The following ID4 variants were observed in gnomAD, a reference collection of about 807,000 sequenced individuals.
ID4 encodes the protein inhibitor of DNA binding 4.
A neutral mutation model predicts 8.6 loss-of-function variants in ID4; 9 were observed. The ratio of observed to expected loss-of-function variants is 1.04; its 90% CI spans 0.63 to 1.82. The LOEUF (loss-of-function observed/expected upper bound fraction) is 1.82, where lower values mean the gene tolerates loss of function less well. ID4 is among the 40% of genes most tolerant of loss of function. The pLI, the probability that ID4 is intolerant of heterozygous loss-of-function variation, is 0.00. For synonymous variants in ID4, 180 were observed against 118.0 expected, an observed-to-expected ratio of 1.53 and a Z score of -3.41; for missense variants, 270 against 235.1, an observed-to-expected ratio of 1.15 and a Z score of -0.97.
rs1761245932 is a variant in ID4 at position 19,837,650 on chromosome 6, G to A, written c.-105G>A. On this transcript the variant is annotated 5_prime_UTR_variant, in exon 1 of 3. Coordinates refer to ENST00000378700, the MANE Select transcript of ID4 (RefSeq NM_001546.4). ...TCGCGGTGCCCCGAGCGCGCCGGGC[G>A]CGGAGGCAAAGGGAGCGGAGCCGGC... is the stretch of plus-strand genomic sequence containing the variant. The A allele has an allele frequency of 1.3e-6, 1 of 777,568 alleles. No individual in the cohort carries two copies. The highest frequency in any genetic ancestry group is 1.6e-6 in the Non-Finnish European group (1 of 624,350). The allele number at this position is 777,568 out of a possible 1,614,324, so 48.2% of individuals were successfully genotyped here. A position where few individuals can be genotyped will look rare whatever the true frequency, so the allele number is the denominator to read the frequency against.
In ID4 at chr6:19,838,587, G is replaced by A. The variant is rs1554139558; in HGVS notation, c.445G>A (p.Gly149Ser). The change falls in exon 2 of 3, where the codon GGC (glycine) becomes AGC (serine). Residue 149 changes from glycine to serine, a missense_variant. This residue lies in a region of ID4 where 107 missense variants were observed against 81.0 expected (regional missense o/e 1.32). Coordinates refer to ENST00000378700, the MANE Select transcript of ID4 (RefSeq NM_001546.4). ...PLTALNTDPA[G>S]AVNKQGDSIL... ...TGGTGTTCGGTTGCTGTTCCAGGCC[G>A]GCGCGGTGAACAAGCAGGGCGACAG... 2.5e-6 allele frequency: 4 copies of A among 1,613,872 alleles called. No homozygotes were observed. Among genetic ancestry groups the A allele is most frequent in the African/African-American group, 2.7e-5 (2 of 74,928 alleles).
At position 19,840,104 on chromosome 6, in the gene ID4, G is replaced by T. The variant is rs913323504; in HGVS notation, c.*909G>T. On this transcript the variant is annotated 3_prime_UTR_variant, in exon 3 of 3. Transcript: ENST00000378700. ...AAATCTTTGTATTTGAAGCATACATGTTGAAAATACACCTTATCAGTTTTT... is the reference window on the plus strand; with the variant it reads ...AAATCTTTGTATTTGAAGCATACATTTTGAAAATACACCTTATCAGTTTTT... 1 of 152,490 alleles carries T rather than the reference G, an allele frequency of 6.6e-6. No individual in the cohort carries two copies. The highest frequency in any genetic ancestry group is 1.9e-4 in the East Asian group (1 of 5,186). 9.4% of individuals were successfully genotyped at this position (152,490 alleles called of 1,614,324 possible). A position where few individuals can be genotyped will look rare whatever the true frequency, so the allele number is the denominator to read the frequency against.
At position 19,839,315 on chromosome 6, in the gene ID4, CTAGA is replaced by C. The variant is rs1002761479; in HGVS notation, c.*121_*124del. On this transcript the variant is annotated 3_prime_UTR_variant, in exon 3 of 3. Transcript: ENST00000378700. ...AGGAAAGGAAAAAACATCGGCCAAC[CTAGA>C]AACGTTTTCATTCGTCATTCCAAGA... 1 of 152,676 alleles carries C rather than the reference CTAGA, an allele frequency of 6.5e-6. No homozygotes were observed. The highest frequency in any genetic ancestry group is 1.5e-5 in the Non-Finnish European group (1 of 68,116). 9.5% of individuals were successfully genotyped at this position (152,676 alleles called of 1,614,324 possible).
chr6:19,840,027 A>G lies in ID4; in HGVS notation c.*832A>G, dbSNP rs1192436465. ...ATGATTGCATGAGATGTTTAATCAC[A>G]AATTAAACTTGTTCTGAGTCCATTC... On this transcript the variant is annotated 3_prime_UTR_variant, in exon 3 of 3. Coordinates refer to ENST00000378700, the MANE Select transcript of ID4 (RefSeq NM_001546.4). The G allele has an allele frequency of 6.6e-6, 1 of 152,614 alleles. No individual in the cohort carries two copies. Among genetic ancestry groups the G allele is most frequent in the Non-Finnish European group, 1.5e-5 (1 of 68,030 alleles). 9.5% of individuals were successfully genotyped at this position (152,614 alleles called of 1,614,324 possible).
rs1191833976 is a variant in ID4, at chr6:19,841,266, T to C, written c.*2071T>C. Among the ~76,000 whole-genome samples, 1 of 152,252 alleles carries C rather than the reference T, an allele frequency of 6.6e-6. No homozygotes were observed. The highest frequency in any genetic ancestry group is 1.5e-5 in the Non-Finnish European group (1 of 68,036). On this transcript the variant is annotated 3_prime_UTR_variant, in exon 3 of 3. Transcript: ENST00000378700. ...AGATGAGGTTTATTTTTATTTTTGA[T>C]ATTATTCATTCTTGTCACACATCAA...
Position 19,838,191 on chromosome 6 carries a change from A to G in ID4, c.437A>G (p.Asp146Gly), listed in dbSNP as rs1761268161. The change falls in exon 1 of 3, where the codon GAC becomes GGC. Residue 146 changes from aspartate to glycine, a missense_variant. By Grantham distance (94) the Asp-to-Gly change is moderately conservative. This residue lies in a region of ID4 where 107 missense variants were observed against 81.0 expected (regional missense o/e 1.32). Coordinates refer to ENST00000378700, the MANE Select transcript of ID4 (RefSeq NM_001546.4). Reference protein sequence around the residue: ...PRTPLTALNTDPAGAVNKQGD... With the variant: ...PRTPLTALNTGPAGAVNKQGD... ...ACCCCGCTCACTGCGCTCAACACCGACCCGGTGAGAGGCCGGGCGCCGGCC... is the reference window on the plus strand; with the variant it reads ...ACCCCGCTCACTGCGCTCAACACCGGCCCGGTGAGAGGCCGGGCGCCGGCC... 7.2e-7 allele frequency: 1 copy of G among 1,388,156 alleles called. No homozygotes were observed. The highest frequency in any genetic ancestry group is 9.3e-7 in the Non-Finnish European group (1 of 1,074,934). 86.0% of individuals were successfully genotyped at this position (1,388,156 alleles called of 1,614,324 possible).
Position 19,840,689 on chromosome 6 carries a change from G to A in ID4, c.*1494G>A, listed in dbSNP as rs560452568. The A allele has an allele frequency of 6.6e-6, 1 of 152,102 alleles. No homozygotes were observed. Among genetic ancestry groups the A allele is most frequent in the South Asian group, 2.1e-4 (1 of 4,814 alleles). 9.4% of individuals were successfully genotyped at this position (152,102 alleles called of 1,614,324 possible). ...AGTAGATTTCTCTGTCTTGTACTGT[G>A]ATTTCTGGTCTCATTTCTTTAAAAC... On this transcript the variant is annotated 3_prime_UTR_variant, in exon 3 of 3. Coordinates refer to ENST00000378700, the MANE Select transcript of ID4 (RefSeq NM_001546.4).
At position 19,841,070 on chromosome 6, in the gene ID4, A is replaced by C. The variant is rs1040908276; in HGVS notation, c.*1875A>C. 6.6e-6 allele frequency among the ~76,000 whole-genome samples: 1 copy of C among 152,220 alleles called. No homozygotes were observed. The highest frequency in any genetic ancestry group is 1.5e-5 in the Non-Finnish European group (1 of 68,022). On this transcript the variant is annotated 3_prime_UTR_variant, in exon 3 of 3. Transcript: ENST00000378700. ...TCCCTAGTAGTCAGTTGAAGTGGCA[A>C]TGTCTAAACAGAAATGAACAAAACT...
chr6:19,839,180 A>C (rs1360390671), intron 2 of ID4, 30 bp from the exon 3 acceptor site: 1 of 159,262 alleles, frequency 6.3e-6, no homozygotes. Context: ...GAAGGTTCAC[A>C]CACCCCCTCT....
chr6:19,840,304 CTTCA>C lies in ID4; in HGVS notation c.*1112_*1115del, dbSNP rs1299398707. ...AAGTGAAAAAAAATTGCTTATTACT[CTTCA>C]TTTTACACTAAAGCTTAATGTCACT... On this transcript the variant is annotated 3_prime_UTR_variant, in exon 3 of 3. Transcript: ENST00000378700. 1 of 152,492 alleles carries C rather than the reference CTTCA, an allele frequency of 6.6e-6. No individual in the cohort carries two copies. Among genetic ancestry groups the C allele is most frequent in the Non-Finnish European group, 1.5e-5 (1 of 67,998 alleles). 9.4% of individuals were successfully genotyped at this position (152,492 alleles called of 1,614,324 possible).
rs1486854340 is a variant in ID4 at position 19,839,804 on chromosome 6, A to G, written c.*609A>G. 1 of 152,186 alleles carries G rather than the reference A, an allele frequency of 6.6e-6. No homozygotes were observed. Among genetic ancestry groups the G allele is most frequent in the East Asian group, 1.9e-4 (1 of 5,198 alleles). 9.4% of individuals were successfully genotyped at this position (152,186 alleles called of 1,614,324 possible). ...GATACTGTAATTATAAGATATTTTT[A>G]ATTAAATATTTTTTTGTAAATATTA... On this transcript the variant is annotated 3_prime_UTR_variant, in exon 3 of 3. Coordinates refer to ENST00000378700, the MANE Select transcript of ID4 (RefSeq NM_001546.4).
At chr6:19,838,339 C>A in intron 1 of ID4, 144 bp downstream of exon 1, 1 of 1,021,292 alleles carries the variant, frequency 9.8e-7, no homozygotes, top group Non-Finnish European at 1.3e-6. Context: ...TCCGGGCTCC[C>A]CCGGGCCGCC....
In ID4 at chr6:19,839,558, G is replaced by A. The variant is rs551220382; in HGVS notation, c.*363G>A. 3.3e-5 allele frequency: 5 copies of A among 152,648 alleles called. No individual in the cohort carries two copies. The East Asian group carries it at 9.6e-4, about 29-fold the overall frequency. The allele number at this position is 152,648 out of a possible 1,614,324, so 9.5% of individuals were successfully genotyped here. ...ATCCGACTTTAGAAGCCTACTTTGT[G>A]ACCAAGGAGCTCAATTTTTGTTTTG... On this transcript the variant is annotated 3_prime_UTR_variant, in exon 3 of 3. Transcript: ENST00000378700.
At position 19,841,723 on chromosome 6, in the gene ID4, T is replaced by C. The variant is rs719346; in HGVS notation, c.*2528T>C. ...TCATTGTTTATTTTTTAAAAAATTA[T>C]ATGCAGTTGTACAAGATACTACATT... On this transcript the variant is annotated 3_prime_UTR_variant, in exon 3 of 3. Coordinates refer to ENST00000378700, the MANE Select transcript of ID4 (RefSeq NM_001546.4). Among the ~76,000 whole-genome samples the C allele has an allele frequency of 0.014, 2,127 of 152,352 alleles. 53 individuals carry two copies. The highest frequency in any genetic ancestry group is 0.048 in the African/African-American group (2,016 of 41,584).
chr6:19,840,883 T>G lies in ID4; in HGVS notation c.*1688T>G, dbSNP rs1426450261. Among the ~76,000 whole-genome samples, 1 of 152,196 alleles carries G rather than the reference T, an allele frequency of 6.6e-6. No individual in the cohort carries two copies. Among genetic ancestry groups the G allele is most frequent in the Non-Finnish European group, 1.5e-5 (1 of 68,022 alleles). ...AGTGAAAGAATTAAGTAGGATTTAA[T>G]TGGGTGCTTTGTAAATAGTCAACTG... On this transcript the variant is annotated 3_prime_UTR_variant, in exon 3 of 3. Transcript: ENST00000378700.
At position 19,842,143 on chromosome 6, in the gene ID4, C is replaced by T. The variant is rs1761370404; in HGVS notation, c.*2948C>T. The stretch of plus-strand genomic sequence containing the variant: ...TTAGAACTTTTTAAAATTTCGAGCC[C>T]ACAAATCTATTGTATTAGTTGCCTT... On this transcript the variant is annotated 3_prime_UTR_variant, in exon 3 of 3. Coordinates refer to ENST00000378700, the MANE Select transcript of ID4 (RefSeq NM_001546.4). 6.6e-6 allele frequency among the ~76,000 whole-genome samples: 1 copy of T among 152,142 alleles called. No homozygotes were observed. Among genetic ancestry groups the T allele is most frequent in the South Asian group, 2.1e-4 (1 of 4,822 alleles).
rs1477747293 is a variant in ID4, at chr6:19,838,583, G to C, written c.442-1G>C. 1.2e-6 allele frequency: 2 copies of C among 1,613,846 alleles called. No individual in the cohort carries two copies. Among genetic ancestry groups the C allele is most frequent in the African/African-American group, 1.3e-5 (1 of 74,936 alleles). On this transcript the variant is annotated splice_acceptor_variant, in intron 1 of 2. Coordinates refer to ENST00000378700, the MANE Select transcript of ID4 (RefSeq NM_001546.4). LOFTEE classifies it high-confidence loss of function. The stretch of plus-strand genomic sequence containing the variant: ...CCCTTGGTGTTCGGTTGCTGTTCCA[G>C]GCCGGCGCGGTGAACAAGCAGGGCG...
Position 19,839,991 on chromosome 6 carries a change from A to G in ID4, c.*796A>G, listed in dbSNP as rs1416138886. 6.6e-6 allele frequency: 1 copy of G among 152,496 alleles called. No homozygotes were observed. Among genetic ancestry groups the G allele is most frequent in the Non-Finnish European group, 1.5e-5 (1 of 68,010 alleles). The allele number at this position is 152,496 out of a possible 1,614,324, so 9.4% of individuals were successfully genotyped here. On this transcript the variant is annotated 3_prime_UTR_variant, in exon 3 of 3. Transcript: ENST00000378700. ...AGACTCGGAAGTAACAGTTATAGCT[A>G]GTGGTCTTGCATGATTGCATGAGAT... is the stretch of plus-strand genomic sequence containing the variant.
Position 19,839,800 on chromosome 6 carries a change from T to A in ID4, c.*605T>A, listed in dbSNP as rs1488352820. On this transcript the variant is annotated 3_prime_UTR_variant, in exon 3 of 3. Coordinates refer to ENST00000378700, the MANE Select transcript of ID4 (RefSeq NM_001546.4). ...AATAGATACTGTAATTATAAGATAT[T>A]TTTAATTAAATATTTTTTTGTAAAT... 1 of 152,230 alleles carries A rather than the reference T, an allele frequency of 6.6e-6. No homozygotes were observed. Among genetic ancestry groups the A allele is most frequent in the African/African-American group, 2.4e-5 (1 of 41,428 alleles). The allele number at this position is 152,230 out of a possible 1,614,324, so 9.4% of individuals were successfully genotyped here. A position where few individuals can be genotyped will look rare whatever the true frequency, so the allele number is the denominator to read the frequency against.
Sources: allele counts gnomAD v4.1 joint callset (sites outside exome capture counted in the v4.1 genomes callset), GRCh38; gene constraint gnomAD v4.1.1; regional missense constraint gnomAD v4.1.1; transcripts MANE v1.5; gene names NCBI Gene and HGNC (gene_info 2026-07-23, HGNC 2026-07-21).